The following AK6 variants were observed in gnomAD, a reference collection of about 807,000 sequenced individuals.
AK6 encodes adenylate kinase 6.
AK6 carries 24 observed loss-of-function variants against 23.7 expected under a neutral mutation model. The ratio of observed to expected loss-of-function variants is 1.01; its 90% CI spans 0.73 to 1.43. AK6 has a LOEUF of 1.43. Ranked by LOEUF, AK6 falls within the 40% of genes most tolerant of loss-of-function variation. The pLI, the probability that AK6 is intolerant of heterozygous loss-of-function variation, is 0.00. For missense variants in AK6, 191 were observed against 199.1 expected (o/e 0.96, Z 0.24); for synonymous variants, 73 against 69.8 (o/e 1.05, Z -0.23).
intron 2 of AK6, among the ~76,000 whole-genome samples, chr5:69,358,517 C>CAAA (rs5868577): frequency 7.5e-3 from 406 of 53,850 alleles, no homozygotes; most frequent in Non-Finnish European, 9.6e-3. Flanking sequence ...GACTCTGTCT[C>CAAA]AAAAAAAAAA....
chr5:69,358,245 C>T (rs968515174), intron 2 of AK6, among the ~76,000 whole-genome samples: 6 of 151,962 alleles, frequency 3.9e-5, no homozygotes, highest in Admixed American at 1.3e-4. Context: ...TGACTCTGGC[C>T]GGTGCGGTGG....
chr5:69,369,652 G>A (rs1762789709), upstream of AK6: 1 of 1,560,964 alleles, frequency 6.4e-7, no homozygotes, highest in Admixed American at 1.9e-5. Context: ...CGGCCCACTG[G>A]TTACCTGGCT....
At chr5:69,369,415 CGCCCCCA>C (rs1561225776) in intron 1 of AK6, 41 bp downstream of exon 1, 1 of 1,597,814 alleles carries the variant, frequency 6.3e-7, no homozygotes, top group South Asian at 1.1e-5. Context: ...GAGCACTCTG[CGCCCCCA>C]GCCTGCCCCA....
At chr5:69,355,495 C>A (rs1002981751) in intron 4 of AK6, 154 bp downstream of exon 4, 2 of 735,458 alleles carry the variant, frequency 2.7e-6, no homozygotes, top group Admixed American at 6.6e-5. Context: ...CACACCACTG[C>A]CCTCCAGCCT....
upstream of AK6, chr5:69,369,648 A>C: frequency 1.3e-6 from 2 of 1,562,080 alleles, no homozygotes; most frequent in Non-Finnish European, 1.7e-6. Flanking sequence ...GCCGCGGCCC[A>C]CTGGTTACCT....
At chr5:69,360,801 A>G (rs147178249) in intron 2 of AK6, among the ~76,000 whole-genome samples, 20 of 152,334 alleles carry the variant, frequency 1.3e-4, no homozygotes, top group African/African-American at 4.8e-4. Flanking sequence ...GTAAAGGGCC[A>G]GGTAATACCT....
intron 2 of AK6, among the ~76,000 whole-genome samples, chr5:69,358,194 C>T (rs376651999): frequency 1.0e-3 from 159 of 152,136 alleles, no homozygotes; most frequent in African/African-American, 3.6e-3. Flanking sequence ...TAGATAAACA[C>T]GGAGGTTCCT....
intron 1 of AK6, among the ~76,000 whole-genome samples, chr5:69,368,200 A>G (rs1762584008): frequency 3.9e-5 from 6 of 152,188 alleles, no homozygotes; most frequent in Admixed American, 3.9e-4. Context: ...TACAACACAT[A>G]TTCCCTTTTA....
chr5:69,353,149 C>CT (rs1230717026), intron 4 of AK6, among the ~76,000 whole-genome samples: 8 of 151,858 alleles, frequency 5.3e-5, no homozygotes, highest in Non-Finnish European at 1.2e-4. Context: ...GCATAAAAGT[C>CT]CACATCCTGT....
intron 1 of AK6, among the ~76,000 whole-genome samples, chr5:69,368,348 A>G (rs907677533): frequency 2.6e-5 from 4 of 152,208 alleles, no homozygotes; most frequent in Non-Finnish European, 5.9e-5. Flanking sequence ...AAGCATAAAG[A>G]TAACAGGGAT....
chr5:69,355,044 T>C (rs569135044), intron 4 of AK6, among the ~76,000 whole-genome samples: 1 of 152,140 alleles, frequency 6.6e-6, no homozygotes, highest in Non-Finnish European at 1.5e-5. Flanking sequence ...TTAGCCAGCA[T>C]GGTCTCGATG....
intron 4 of AK6, 152 bp downstream of exon 4, chr5:69,355,497 C>T (rs1580303365): frequency 1.3e-6 from 1 of 789,338 alleles, no homozygotes; most frequent in Non-Finnish European, 1.9e-6. Context: ...CACCACTGCC[C>T]TCCAGCCTGG....
intron 4 of AK6, among the ~76,000 whole-genome samples, chr5:69,353,382 C>T (rs538834137): frequency 6.6e-6 from 1 of 152,060 alleles, no homozygotes; most frequent in Non-Finnish European, 1.5e-5. Flanking sequence ...ACTGCAACCT[C>T]CACCTTCCGG....
chr5:69,356,275 T>C (rs1762081788), intron 2 of AK6, among the ~76,000 whole-genome samples: 1 of 152,202 alleles, frequency 6.6e-6, no homozygotes, highest in Non-Finnish European at 1.5e-5. Flanking sequence ...ACACTATTTT[T>C]GTTGAACTAC....
Position 69,367,172 on chromosome 5 carries a change from G to A in AK6, c.29-577C>T, listed in dbSNP as rs568024780. On this transcript the variant is annotated intron_variant, in intron 1 of 4. Transcript: ENST00000380822. ...GGGGTGGGGCTCAGCAGATTCTGACGCCAATTCAAACTGCCTGCTGCTACC... is the reference window on the plus strand; with the variant it reads ...GGGGTGGGGCTCAGCAGATTCTGACACCAATTCAAACTGCCTGCTGCTACC... 5.0e-4 allele frequency among the ~76,000 whole-genome samples: 76 copies of A among 152,154 alleles called. No individual in the cohort carries two copies. In the South Asian group the frequency reaches 0.015, roughly 31 times the overall value.
intron 2 of AK6, chr5:69,365,732 C>G (rs1762392003): frequency 1.3e-6 from 2 of 1,541,604 alleles, no homozygotes; most frequent in Non-Finnish European, 1.7e-6. Flanking sequence ...TCTTGCCAGA[C>G]TCCATGATAT....
upstream of AK6, chr5:69,369,710 G>A (rs1171434198): frequency 1.3e-6 from 2 of 1,551,434 alleles, no homozygotes; most frequent in African/African-American, 1.4e-5. Context: ...GCATAACTCG[G>A]GTCGGTACTT....
At chr5:69,352,642 T>G (rs1761978189) in intron 4 of AK6, among the ~76,000 whole-genome samples, 1 of 152,180 alleles carries the variant, frequency 6.6e-6, no homozygotes, top group African/African-American at 2.4e-5. Flanking sequence ...AATAAGGACA[T>G]GAAAAGATGT....
At chr5:69,354,072 C>T (rs1762019972) in intron 4 of AK6, among the ~76,000 whole-genome samples, 1 of 152,148 alleles carries the variant, frequency 6.6e-6, no homozygotes, top group African/African-American at 2.4e-5. Context: ...GCCGTCCTGC[C>T]TCCCCCTCAC....
Sources: allele counts gnomAD v4.1 joint callset (sites outside exome capture counted in the v4.1 genomes callset), GRCh38; gene constraint gnomAD v4.1.1; transcripts MANE v1.5; gene names NCBI Gene and HGNC (gene_info 2026-07-23, HGNC 2026-07-21).